SLC36A4: variants seen among roughly 807,000 people sequenced by gnomAD.
SLC36A4 encodes the protein solute carrier family 36 member 4.
In SLC36A4, 49 loss-of-function variants were observed where a neutral mutation model predicts 50.5. The ratio of observed to expected loss-of-function variants is 0.97; its 90% CI spans 0.77 to 1.23. SLC36A4 has a LOEUF of 1.23. SLC36A4 is among the 50% of genes most tolerant of loss of function. The pLI is 0.00. For missense variants in SLC36A4, 611 were observed against 608.4 expected, an observed-to-expected ratio of 1.00 and a Z score of -0.05; for synonymous variants, 207 against 206.5, an observed-to-expected ratio of 1.00 and a Z score of -0.02.
In SLC36A4 at chr11:93,148,593, G is replaced by A; in HGVS notation, c.1459C>T (p.Pro487Ser). 6.2e-7 allele frequency: 1 copy of A among 1,612,736 alleles called. No homozygotes were observed. Among genetic ancestry groups the A allele is most frequent in the East Asian group, 2.2e-5 (1 of 44,808 alleles). Residue 487 changes from proline (P) to serine (S), a missense_variant, in exon 11 of 11, where the codon CCA becomes TCA. Pro to Ser is a moderately conservative substitution (Grantham distance 74). Coordinates refer to ENST00000326402, the MANE Select transcript of SLC36A4 (RefSeq NM_152313.4). Reference sequence around the variant, plus strand: ...TTCAAATTTAGAAAAGGACTCTGTGGAGTGCCAGCTACAACTTTGGGAGTA... The same window carrying A: ...TTCAAATTTAGAAAAGGACTCTGTGAAGTGCCAGCTACAACTTTGGGAGTA... ...YPTPKVVAGT[P>S]QSPFLNLNST...
Position 93,154,202 on chromosome 11 carries a change from TG to T in SLC36A4, c.1112del (p.Ala371GlufsTer24). ...VTYSIQFYVPAEIIIPGITSK... is the reference protein window; with the variant it reads ...VTYSIQFYVPXEIIIPGITSK... ...ATGTGATCCCAGGGATAATGATCTC[TG>T]CTGGAACATAGAACTGAATTGAATA... On this transcript the variant is annotated frameshift_variant, in exon 10 of 11. Transcript: ENST00000326402. LOFTEE classifies it high-confidence loss of function. 1 of 1,559,050 alleles carries T rather than the reference TG, an allele frequency of 6.4e-7. No homozygotes were observed. Among genetic ancestry groups the T allele is most frequent in the Non-Finnish European group, 8.6e-7 (1 of 1,156,104 alleles).
chr11:93,168,656 G>A (rs1290381688), intron 6 of SLC36A4, among the ~76,000 whole-genome samples: 1 of 151,728 alleles, frequency 6.6e-6, no homozygotes, highest in Non-Finnish European at 1.5e-5. Flanking sequence ...TAAAATTATA[G>A]CCTAACCTTA....
chr11:93,183,692 A>G (rs534364335), intron 3 of SLC36A4, among the ~76,000 whole-genome samples: 1 of 151,298 alleles, frequency 6.6e-6, no homozygotes, highest in African/African-American at 2.4e-5. Flanking sequence ...CTTTTCTTTT[A>G]TTTATTTATT....
chr11:93,180,397 T>A (rs531100140), intron 6 of SLC36A4: 1 of 849,986 alleles, frequency 1.2e-6, no homozygotes, highest in African/African-American at 1.8e-5. Flanking sequence ...AATTACCAGA[T>A]TTTAATAATG....
At chr11:93,193,300 A>G (rs1371567185) in intron 1 of SLC36A4, among the ~76,000 whole-genome samples, 2 of 152,164 alleles carry the variant, frequency 1.3e-5, no homozygotes, top group East Asian at 3.9e-4. Context: ...AGTTAAGAAT[A>G]TATGAAATAA....
intron 8 of SLC36A4, among the ~76,000 whole-genome samples, chr11:93,165,407 C>T (rs551275324): frequency 5.4e-4 from 82 of 152,222 alleles, no homozygotes; most frequent in African/African-American, 1.4e-3. Context: ...TCAAAACAAA[C>T]ATTATATTCA....
At chr11:93,172,397 G>C (rs951603203) in intron 6 of SLC36A4, among the ~76,000 whole-genome samples, 32 of 149,020 alleles carry the variant, frequency 2.1e-4, no homozygotes, top group African/African-American at 7.1e-4. Context: ...TTTATCCCTT[G>C]TCCCCTCCCA....
Position 93,181,750 on chromosome 11 carries a change from C to T in SLC36A4, c.396G>A (p.Val132=). ...KKSTLGYSDT[V]SFAMEVSPWS... is the part of the protein sequence containing the mutation. ...AAGGACTCACTTCCATAGCAAAGCT[C>T]ACAGTGTCACTATAACCTAATGTTG... The change falls in exon 5 of 11, where the codon GTG becomes GTA. Residue 132 remains valine (V), a synonymous_variant. Coordinates refer to ENST00000326402, the MANE Select transcript of SLC36A4 (RefSeq NM_152313.4). 1 of 1,551,906 alleles carries T rather than the reference C, an allele frequency of 6.4e-7. No homozygotes were observed. Among genetic ancestry groups the T allele is most frequent in the Non-Finnish European group, 8.7e-7 (1 of 1,143,368 alleles).
In SLC36A4 at chr11:93,154,237, A is replaced by G; in HGVS notation, c.1078T>C (p.Phe360Leu). 6.7e-7 allele frequency: 1 copy of G among 1,493,188 alleles called. No homozygotes were observed. Among genetic ancestry groups the G allele is most frequent in the Non-Finnish European group, 8.9e-7 (1 of 1,118,534 alleles). 92.5% of individuals were successfully genotyped at this position (1,493,188 alleles called of 1,614,324 possible). ...SVKILYSFGI[F>L]VTYSIQFYVP... The stretch of plus-strand genomic sequence containing the variant: ...TAGAACTGAATTGAATATGTCACAA[A>G]AATGCCAAAGGAATATAGAATTTTC... The change falls in exon 10 of 11, where the codon TTT becomes CTT. Residue 360 changes from phenylalanine to leucine, a missense_variant. Coordinates refer to ENST00000326402, the MANE Select transcript of SLC36A4 (RefSeq NM_152313.4).
At chr11:93,181,602 T>C in intron 5 of SLC36A4, 89 bp downstream of exon 5, 2 of 971,912 alleles carry the variant, frequency 2.1e-6, no homozygotes, top group Non-Finnish European at 2.8e-6. Context: ...AACTTTATCA[T>C]ATTTTTATTT....
intron 9 of SLC36A4, chr11:93,154,592 G>A (rs1207595131): frequency 6.3e-6 from 1 of 158,676 alleles, no homozygotes; most frequent in African/African-American, 2.4e-5. Flanking sequence ...AAGAGCTAAA[G>A]TTTTCTCAAC....
intron 10 of SLC36A4, 136 bp downstream of exon 10, chr11:93,153,972 G>C (rs1410909658): frequency 1.2e-5 from 5 of 434,360 alleles, no homozygotes; most frequent in Non-Finnish European, 1.9e-5. Flanking sequence ...AACCCAGCTG[G>C]GTGAATAAAA....
rs1236925095 is a variant in SLC36A4 at position 93,145,947 on chromosome 11, A to G, written c.*2590T>C. On this transcript the variant is annotated 3_prime_UTR_variant, in exon 11 of 11. Transcript: ENST00000326402. ...ATCATCAAATACCCTTAATAAGAATACATTTAAGCTTTCCATCTAAATAGT... is the reference window on the plus strand; with the variant it reads ...ATCATCAAATACCCTTAATAAGAATGCATTTAAGCTTTCCATCTAAATAGT... 1.3e-5 allele frequency: 2 copies of G among 152,130 alleles called. No individual in the cohort carries two copies. Among genetic ancestry groups the G allele is most frequent in the East Asian group, 3.9e-4 (2 of 5,178 alleles). The allele number at this position is 152,130 out of a possible 1,614,324, so 9.4% of individuals were successfully genotyped here.
In SLC36A4 at chr11:93,147,420, CAGGAAAGGA is replaced by C. The variant is rs1859879979; in HGVS notation, c.*1108_*1116del. On this transcript the variant is annotated 3_prime_UTR_variant, in exon 11 of 11. Coordinates refer to ENST00000326402, the MANE Select transcript of SLC36A4 (RefSeq NM_152313.4). ...TCAGGAATGTGGTGCCTACAAAACT[CAGGAAAGGA>C]AGGTAATAATTAAAAAAGCTCAAGC... 6.6e-6 allele frequency: 1 copy of C among 152,074 alleles called. No individual in the cohort carries two copies. Among genetic ancestry groups the C allele is most frequent in the African/African-American group, 2.4e-5 (1 of 41,428 alleles). The allele number at this position is 152,074 out of a possible 1,614,324, so 9.4% of individuals were successfully genotyped here.
At chr11:93,150,872 A>G (rs1860054999) in intron 10 of SLC36A4, among the ~76,000 whole-genome samples, 1 of 152,022 alleles carries the variant, frequency 6.6e-6, no homozygotes, top group African/African-American at 2.4e-5. Context: ...GAATCTTGCC[A>G]CCTGAAGAGG....
chr11:93,194,145 G>A (rs1862326211), intron 1 of SLC36A4, among the ~76,000 whole-genome samples: 1 of 151,964 alleles, frequency 6.6e-6, no homozygotes, highest in Admixed American at 6.6e-5. Context: ...ATCAAAATGT[G>A]AGCAAGTTTA....
intron 1 of SLC36A4, among the ~76,000 whole-genome samples, chr11:93,193,781 A>G (rs1424534794): frequency 1.3e-5 from 2 of 152,186 alleles, no homozygotes; most frequent in Non-Finnish European, 2.9e-5. Flanking sequence ...AATCACATTA[A>G]TTTAGCAATA....
chr11:93,181,772 G>A lies in SLC36A4; in HGVS notation c.374C>T (p.Thr125Ile). The A allele has an allele frequency of 6.4e-7, 1 of 1,555,364 alleles. No individual in the cohort carries two copies. Among genetic ancestry groups the A allele is most frequent in the Non-Finnish European group, 8.7e-7 (1 of 1,146,344 alleles). ...HFLCLRFKKS[T>I]LGYSDTVSFA... ...GCTCACAGTGTCACTATAACCTAAT[G>A]TTGACTTTTTAAACCTGTAATTTAA... The change falls in exon 5 of 11, where the codon ACA (threonine) becomes ATA (isoleucine). Residue 125 changes from threonine (T) to isoleucine (I), a missense_variant. Transcript: ENST00000326402.
At position 93,197,906 on chromosome 11, in the gene SLC36A4, G is replaced by C; in HGVS notation, c.-74C>G. 2 of 1,429,244 alleles carry C rather than the reference G, an allele frequency of 1.4e-6. No individual in the cohort carries two copies. Among genetic ancestry groups the C allele is most frequent in the Non-Finnish European group, 1.8e-6 (2 of 1,084,114 alleles). The allele number at this position is 1,429,244 out of a possible 1,614,324, so 88.5% of individuals were successfully genotyped here. A position where few individuals can be genotyped will look rare whatever the true frequency, so the allele number is the denominator to read the frequency against. On this transcript the variant is annotated 5_prime_UTR_variant, in exon 1 of 11. Coordinates refer to ENST00000326402, the MANE Select transcript of SLC36A4 (RefSeq NM_152313.4). ...CGCTGCGTGGCCGGCGTCAGGCCCA[G>C]GCCTACCTCCCCTGCCCGGAGGGAC...
Sources: gnomAD v4.1 joint callset for allele counts (sites outside exome capture counted in the v4.1 genomes callset) on GRCh38, gnomAD v4.1.1 for gene constraint, MANE v1.5 for transcripts, NCBI Gene and HGNC (gene_info 2026-07-23, HGNC 2026-07-21) for gene names.